Variants in EPB41L4A observed in about 807,000 individuals in gnomAD.
The protein encoded by EPB41L4A is erythrocyte membrane protein band 4.1 like 4A.
A neutral mutation model predicts 108.6 loss-of-function variants in EPB41L4A; 100 were observed. That is an observed-to-expected ratio of 0.92 (90% CI 0.78 to 1.09). The LOEUF is 1.09. Among genes scored for constraint, EPB41L4A ranks in the 50% least tolerant of loss-of-function variants. The probability of loss-of-function intolerance (pLI) is 0.00; values close to 1 mark genes in which losing one functional copy is unlikely to be tolerated. For missense variants in EPB41L4A, 1,030 were observed against 842.7 expected (o/e 1.22, Z -2.75); for synonymous variants, 319 against 289.0 (o/e 1.10, Z -1.05).
At chr5:112,283,310 T>A (rs10043705) in intron 2 of EPB41L4A, among the ~76,000 whole-genome samples, 23,389 of 152,102 alleles carry the variant, frequency 0.15, 2,124 homozygotes, top group Middle Eastern at 0.21. Context: ...CAATGATAAA[T>A]GCCCAAGAAC....
chr5:112,230,056 T>TC (rs940642315), intron 12 of EPB41L4A, among the ~76,000 whole-genome samples: 1 of 152,110 alleles, frequency 6.6e-6, no homozygotes, highest in African/African-American at 2.4e-5. Context: ...ATTATTTTGT[T>TC]CCTTTTTATG....
intron 1 of EPB41L4A, among the ~76,000 whole-genome samples, chr5:112,344,802 C>T (rs568378736): frequency 6.6e-6 from 1 of 152,186 alleles, no homozygotes; most frequent in Non-Finnish European, 1.5e-5. Flanking sequence ...CAAGGACTTA[C>T]AATGAAACTG....
At chr5:112,393,246 A>C (rs1220881641) in intron 1 of EPB41L4A, among the ~76,000 whole-genome samples, 1 of 152,230 alleles carries the variant, frequency 6.6e-6, no homozygotes, top group Non-Finnish European at 1.5e-5. Flanking sequence ...AGATCAGAGC[A>C]GAACTGAAGG....
downstream of EPB41L4A, among the ~76,000 whole-genome samples, chr5:112,142,005 G>A (rs1759089414): frequency 1.3e-5 from 2 of 152,184 alleles, no homozygotes; most frequent in Admixed American, 1.3e-4. Context: ...AGGAGGATTT[G>A]AGCCGAATTA....
chr5:112,246,437 T>C (rs1750229600), intron 9 of EPB41L4A, among the ~76,000 whole-genome samples: 1 of 152,096 alleles, frequency 6.6e-6, no homozygotes, highest in African/African-American at 2.4e-5. Context: ...AGCCTAGGTA[T>C]TGTGAAAGGA....
In EPB41L4A at chr5:112,204,584, T is replaced by C. The variant is rs1015847550; in HGVS notation, c.1263-96A>G. 14 of 692,608 alleles carry C rather than the reference T, an allele frequency of 2.0e-5. No individual in the cohort carries two copies. In the African/African-American group the frequency reaches 2.4e-4, roughly 12 times the overall value. 42.9% of individuals were successfully genotyped at this position (692,608 alleles called of 1,614,324 possible). A position where few individuals can be genotyped will look rare whatever the true frequency, so the allele number is the denominator to read the frequency against. On this transcript the variant is annotated intron_variant, in intron 14 of 22. Transcript: ENST00000261486. ...CTATTCATAACTGCACAGCTGGTACTTCCAGAGGCACATGCACCAGGGGCA... is the reference window on the plus strand; with the variant it reads ...CTATTCATAACTGCACAGCTGGTACCTCCAGAGGCACATGCACCAGGGGCA...
intron 9 of EPB41L4A, chr5:112,257,261 CTAAA>C (rs1561516736): frequency 6.6e-6 from 1 of 152,158 alleles, no homozygotes; most frequent in Non-Finnish European, 1.5e-5. Context: ...AATGCTTTGA[CTAAA>C]TGAATGTGAT....
intron 6 of EPB41L4A, 99 bp from the exon 7 acceptor site, chr5:112,262,680 A>G: frequency 9.5e-7 from 1 of 1,048,212 alleles, no homozygotes; most frequent in Non-Finnish European, 1.4e-6. Context: ...AAAACAAATA[A>G]TACTTTTTAC....
chr5:112,325,236 T>C (rs1252359577), intron 1 of EPB41L4A, among the ~76,000 whole-genome samples: 1 of 151,896 alleles, frequency 6.6e-6, no homozygotes, highest in African/African-American at 2.4e-5. Flanking sequence ...GGTCAGGAGA[T>C]CAGGACCATC....
At chr5:112,178,368 T>C (rs1760976913) in intron 18 of EPB41L4A, among the ~76,000 whole-genome samples, 1 of 152,088 alleles carries the variant, frequency 6.6e-6, no homozygotes, top group African/African-American at 2.4e-5. Context: ...TTGTAGATTT[T>C]AACATCCCTC....
chr5:112,193,861 G>A (rs1452701285), intron 17 of EPB41L4A, among the ~76,000 whole-genome samples: 2 of 152,184 alleles, frequency 1.3e-5, no homozygotes, highest in Non-Finnish European at 2.9e-5. Flanking sequence ...AGAAGGCAGG[G>A]AGGACAAAAC....
intron 12 of EPB41L4A, among the ~76,000 whole-genome samples, chr5:112,234,309 G>A (rs1749174693): frequency 6.6e-6 from 1 of 151,710 alleles, no homozygotes; most frequent in African/African-American, 2.4e-5. Flanking sequence ...TTGGGCCCAG[G>A]AGGTCAAGGC....
chr5:112,180,950 T>C (rs1354231031), intron 18 of EPB41L4A, among the ~76,000 whole-genome samples: 2 of 152,112 alleles, frequency 1.3e-5, no homozygotes, highest in East Asian at 3.9e-4. Flanking sequence ...CACACAAAAA[T>C]GTGGTTATCA....
At chr5:112,300,309 G>A (rs1308699965) in intron 2 of EPB41L4A, among the ~76,000 whole-genome samples, 2 of 152,068 alleles carry the variant, frequency 1.3e-5, no homozygotes, top group Admixed American at 1.3e-4. Flanking sequence ...TCAAGATTTG[G>A]AGCTCCTTTT....
intron 1 of EPB41L4A, among the ~76,000 whole-genome samples, chr5:112,362,916 T>A (rs1758867463): frequency 1.2e-5 from 1 of 82,470 alleles, no homozygotes; most frequent in South Asian, 7.0e-4. Flanking sequence ...TGATTATTAT[T>A]ATTTTTTTTT....
chr5:112,374,523 G>A (rs1050584289), intron 1 of EPB41L4A, among the ~76,000 whole-genome samples: 6 of 152,168 alleles, frequency 3.9e-5, no homozygotes, highest in Admixed American at 3.9e-4. Flanking sequence ...ATAACAATAA[G>A]AGTTATAAAT....
chr5:112,157,039 A>G (rs1434563370), intron 12 of EPB41L4A, among the ~76,000 whole-genome samples: 2 of 152,198 alleles, frequency 1.3e-5, no homozygotes, highest in African/African-American at 2.4e-5. Context: ...CCGAAAATAT[A>G]AAGACATTAT....
At chr5:112,256,263 T>C (rs900459481) in intron 9 of EPB41L4A, among the ~76,000 whole-genome samples, 1 of 152,266 alleles carries the variant, frequency 6.6e-6, no homozygotes, top group Non-Finnish European at 1.5e-5. Flanking sequence ...AACTAACACA[T>C]AGTGATAAAA....
intron 9 of EPB41L4A, among the ~76,000 whole-genome samples, chr5:112,248,598 C>G (rs58264361): frequency 0.18 from 27,796 of 152,144 alleles, 2,753 homozygotes; most frequent in East Asian, 0.31. Context: ...CTCAAACCCC[C>G]AATTCCATCA....
Sources: allele counts gnomAD v4.1 joint callset (sites outside exome capture counted in the v4.1 genomes callset), GRCh38; gene constraint gnomAD v4.1.1; transcripts MANE v1.5; gene names NCBI Gene and HGNC (gene_info 2026-07-23, HGNC 2026-07-21).